The following ZNF486 variants were observed in gnomAD, a reference collection of about 807,000 sequenced individuals.
The protein encoded by ZNF486 is zinc finger protein 486.
Under a neutral mutation model 12.8 loss-of-function variants are expected in ZNF486, and 12 were observed. The ratio of observed to expected loss-of-function variants is 0.94; its 90% CI spans 0.60 to 1.52. ZNF486 has a LOEUF of 1.52. ZNF486 is among the 40% of genes most tolerant of loss of function. ZNF486 has a pLI of 0.00. For missense variants in ZNF486, 738 were observed against 545.0 expected, an observed-to-expected ratio of 1.35 and a Z score of -3.53; for synonymous variants, 231 against 184.9, an observed-to-expected ratio of 1.25 and a Z score of -2.02.
intron 1 of ZNF486, among the ~76,000 whole-genome samples, chr19:20,167,914 C>A (rs1351999494): frequency 1.3e-5 from 2 of 152,132 alleles, no homozygotes; most frequent in East Asian, 1.9e-4. Flanking sequence ...AACAACCCTA[C>A]CCCTTTTTCT....
chr19:20,198,556 CTTGTG>C lies in ZNF486; in HGVS notation c.*455_*459del. The C allele has an allele frequency of 5.7e-6, 1 of 173,956 alleles. No homozygotes were observed. The highest frequency in any genetic ancestry group is 1.7e-4 in the East Asian group (1 of 5,936). The allele number at this position is 173,956 out of a possible 1,614,324, so 10.8% of individuals were successfully genotyped here. ...TTATTTTTTGAGATGCAGTTTCACT[CTTGTG>C]ACCCGGGCTGTAGTGCAATGGCATG... On this transcript the variant is annotated 3_prime_UTR_variant, in exon 4 of 4. Coordinates refer to ENST00000335117, the MANE Select transcript of ZNF486 (RefSeq NM_052852.4).
chr19:20,193,147 T>A (rs2089918871), intron 3 of ZNF486, among the ~76,000 whole-genome samples: 1 of 151,078 alleles, frequency 6.6e-6, no homozygotes, highest in Non-Finnish European at 1.5e-5. Context: ...TTCAATCTCA[T>A]AACTTCAACT....
intron 2 of ZNF486, among the ~76,000 whole-genome samples, chr19:20,184,968 G>A (rs112940231): frequency 1.4e-4 from 22 of 152,110 alleles, no homozygotes; most frequent in Admixed American, 3.3e-4. Context: ...AAAATTAGTC[G>A]TTTATGGTGG....
At chr19:20,195,434 T>C (rs1396161462) in intron 3 of ZNF486, among the ~76,000 whole-genome samples, 1 of 152,194 alleles carries the variant, frequency 6.6e-6, no homozygotes, top group Admixed American at 6.6e-5. Context: ...TTCCAGTGTG[T>C]TGGGATTACA....
intron 1 of ZNF486, among the ~76,000 whole-genome samples, chr19:20,183,422 C>T (rs2089807770): frequency 6.6e-6 from 1 of 152,152 alleles, no homozygotes; most frequent in African/African-American, 2.4e-5. Context: ...CTCTTGGGTG[C>T]TAAATGAAGC....
At chr19:20,174,649 A>G (rs1555714382) in intron 1 of ZNF486, among the ~76,000 whole-genome samples, 2 of 152,148 alleles carry the variant, frequency 1.3e-5, no homozygotes, top group African/African-American at 2.4e-5. Context: ...TCAGCTTCCC[A>G]TAGTGCTAAG....
Position 20,197,597 on chromosome 19 carries a change from G to A in ZNF486, c.887G>A (p.Cys296Tyr). The A allele has an allele frequency of 6.2e-7, 1 of 1,613,512 alleles. No individual in the cohort carries two copies. The highest frequency in any genetic ancestry group is 8.5e-7 in the Non-Finnish European group (1 of 1,179,794). ...CATACTGGAGAGCAACCCTACAAAT[G>A]TAAAGAATGTGACAAAGCTTTTAAC... ...IIHTGEQPYK[C>Y]KECDKAFNHP... Residue 296 changes from cysteine (C) to tyrosine (Y), a missense_variant, in exon 4 of 4, where the codon TGT becomes TAT. Transcript: ENST00000335117.
chr19:20,181,811 G>A (rs2089790853), intron 1 of ZNF486, among the ~76,000 whole-genome samples: 1 of 152,184 alleles, frequency 6.6e-6, no homozygotes, highest in South Asian at 2.1e-4. Flanking sequence ...CAGAGAAACA[G>A]AAGAAGAAAT....
chr19:20,175,746 C>T (rs565761368), intron 1 of ZNF486, among the ~76,000 whole-genome samples: 5 of 152,344 alleles, frequency 3.3e-5, no homozygotes, highest in Non-Finnish European at 5.9e-5. Flanking sequence ...TACACAGACA[C>T]GGCAACCATC....
intron 3 of ZNF486, among the ~76,000 whole-genome samples, chr19:20,191,891 TTTA>T (rs1342599377): frequency 6.6e-6 from 1 of 152,234 alleles, no homozygotes; most frequent in Non-Finnish European, 1.5e-5. Flanking sequence ...GAATTTTCTA[TTTA>T]TTATTGCAAA....
chr19:20,190,456 C>G (rs782419660), intron 3 of ZNF486, among the ~76,000 whole-genome samples: 4 of 152,194 alleles, frequency 2.6e-5, no homozygotes, highest in African/African-American at 4.8e-5. Flanking sequence ...ATAATTTTGG[C>G]TCACTATAGC....
At chr19:20,184,767 A>G (rs1222950045) in intron 2 of ZNF486, among the ~76,000 whole-genome samples, 1 of 152,102 alleles carries the variant, frequency 6.6e-6, no homozygotes, top group African/African-American at 2.4e-5. Flanking sequence ...TGAAAATCTC[A>G]TTGCCACCAT....
At chr19:20,194,415 G>A (rs1433990460) in intron 3 of ZNF486, among the ~76,000 whole-genome samples, 10 of 152,106 alleles carry the variant, frequency 6.6e-5, no homozygotes, top group East Asian at 1.9e-4. Context: ...TTTTTCTGAC[G>A]TGTAAGAATG....
intron 1 of ZNF486, among the ~76,000 whole-genome samples, chr19:20,179,857 A>G (rs533664284): frequency 2.0e-5 from 3 of 152,298 alleles, no homozygotes; most frequent in African/African-American, 2.4e-5. Context: ...GTAAATAATC[A>G]TCTTAGGAGT....
intron 1 of ZNF486, 64 bp from the exon 2 acceptor site, chr19:20,184,292 C>T: frequency 6.2e-7 from 1 of 1,601,582 alleles, no homozygotes; most frequent in South Asian, 1.1e-5. Context: ...TCTCATTTCA[C>T]CTTAAATTAA....
At chr19:20,179,431 C>A (rs892390665) in intron 1 of ZNF486, among the ~76,000 whole-genome samples, 5 of 152,074 alleles carry the variant, frequency 3.3e-5, no homozygotes, top group African/African-American at 1.2e-4. Flanking sequence ...AGGTTATAAC[C>A]CTTAAGCTTG....
chr19:20,180,730 T>C (rs1189449710), intron 1 of ZNF486, among the ~76,000 whole-genome samples: 5 of 152,132 alleles, frequency 3.3e-5, no homozygotes, highest in Non-Finnish European at 5.9e-5. Context: ...CCAGCCACTG[T>C]GGTCAGGCTG....
At chr19:20,181,000 A>G (rs2089778440) in intron 1 of ZNF486, among the ~76,000 whole-genome samples, 1 of 152,188 alleles carries the variant, frequency 6.6e-6, no homozygotes, top group Non-Finnish European at 1.5e-5. Flanking sequence ...AGTTTCTTTT[A>G]GGTAAGCTTA....
intron 1 of ZNF486, among the ~76,000 whole-genome samples, chr19:20,179,854 A>G (rs1267122483): frequency 6.6e-6 from 1 of 152,150 alleles, no homozygotes; most frequent in African/African-American, 2.4e-5. Context: ...AGTGTAAATA[A>G]TCATCTTAGG....
Sources: gnomAD v4.1 joint callset for allele counts (sites outside exome capture counted in the v4.1 genomes callset) on GRCh38, gnomAD v4.1.1 for gene constraint, MANE v1.5 for transcripts, NCBI Gene and HGNC (gene_info 2026-07-23, HGNC 2026-07-21) for gene names.